ZNF503: variants seen among roughly 807,000 people sequenced by gnomAD.
ZNF503 encodes zinc finger protein 503.
ZNF503 carries 15 observed loss-of-function variants against 34.4 expected under a neutral mutation model. The ratio of observed to expected loss-of-function variants is 0.44; its 90% CI spans 0.29 to 0.67. ZNF503 has a LOEUF of 0.67. Among genes scored for constraint, ZNF503 ranks in the 30% least tolerant of loss-of-function variants. The pLI, the probability that ZNF503 is intolerant of heterozygous loss-of-function variation, is 0.13. For synonymous variants in ZNF503, 580 were observed against 456.8 expected (o/e 1.27, Z -3.44); for missense variants, 1,007 against 926.8 (o/e 1.09, Z -1.12).
At position 75,398,799 on chromosome 10, in the gene ZNF503, CGTAGGGGGA is replaced by C. The variant is rs761143408; in HGVS notation, c.1882_1890del (p.Ser628_Tyr630del). On this transcript the variant is annotated inframe_deletion, in exon 2 of 2. Coordinates refer to ENST00000372524, the MANE Select transcript of ZNF503 (RefSeq NM_032772.6). Reference sequence around the variant, plus strand: ...GTGGTCAGTCTCTGTCCGTAGAGGGCGTAGGGGGAGTAGTACGGTCCGGTGGCGGCGGGC... The same window carrying C: ...GTGGTCAGTCTCTGTCCGTAGAGGGCGTAGTACGGTCCGGTGGCGGCGGGC... 1.8e-5 allele frequency: 27 copies of C among 1,480,116 alleles called. No individual in the cohort carries two copies. The highest frequency in any genetic ancestry group is 2.4e-5 in the East Asian group (1 of 41,986). 91.7% of individuals were successfully genotyped at this position (1,480,116 alleles called of 1,614,324 possible).
At chr10:75,299,979 C>T in the ZNF503 span, among the ~76,000 whole-genome samples, 1 of 152,176 alleles carries the variant, frequency 6.6e-6, no homozygotes, top group Non-Finnish European at 1.5e-5. Context: ...TATCAAGAGA[C>T]AGGGTTTGAG....
chr10:75,330,859 T>A, the ZNF503 span, among the ~76,000 whole-genome samples: 1 of 152,188 alleles, frequency 6.6e-6, no homozygotes, highest in Non-Finnish European at 1.5e-5. Context: ...TGCTCTGACC[T>A]TTATTATTTC....
At chr10:75,388,219 AG>A in the ZNF503 span, among the ~76,000 whole-genome samples, 1 of 152,226 alleles carries the variant, frequency 6.6e-6, no homozygotes, top group African/African-American at 2.4e-5. Flanking sequence ...GGACTAGAAC[AG>A]GTGGGGCCAG....
Position 75,401,498 on chromosome 10 carries a change from C to A in ZNF503, c.-79G>T. 1 of 1,462,128 alleles carries A rather than the reference C, an allele frequency of 6.8e-7. No individual in the cohort carries two copies. Among genetic ancestry groups the A allele is most frequent in the Non-Finnish European group, 9.0e-7 (1 of 1,109,496 alleles). 90.6% of individuals were successfully genotyped at this position (1,462,128 alleles called of 1,614,324 possible). On this transcript the variant is annotated 5_prime_UTR_variant, in exon 1 of 2. Coordinates refer to ENST00000372524, the MANE Select transcript of ZNF503 (RefSeq NM_032772.6). ...GCGGGCTCGGGGCTGCGCGCTCGCC[C>A]CGGGAGCAGGAGCAGCGGGAGGAGG...
chr10:75,349,199 G>A, the ZNF503 span, among the ~76,000 whole-genome samples: 2 of 152,116 alleles, frequency 1.3e-5, no homozygotes, highest in African/African-American at 2.4e-5. Context: ...GTTCTTTATG[G>A]ATATATGTAT....
the ZNF503 span, among the ~76,000 whole-genome samples, chr10:75,315,171 G>A: frequency 2.6e-5 from 4 of 152,124 alleles, no homozygotes; most frequent in African/African-American, 9.7e-5. Flanking sequence ...ACCAGCCTGG[G>A]CAACATAGCA....
chr10:75,281,640 T>C, the ZNF503 span, among the ~76,000 whole-genome samples: 6 of 152,172 alleles, frequency 3.9e-5, no homozygotes, highest in Non-Finnish European at 8.8e-5. Flanking sequence ...ATGGATAAGA[T>C]GTCCAGGCTC....
the ZNF503 span, among the ~76,000 whole-genome samples, chr10:75,374,968 C>A: frequency 6.6e-6 from 1 of 152,196 alleles, no homozygotes; most frequent in Admixed American, 6.5e-5. Context: ...CAACCAGGAG[C>A]TTCTTGAGGG....
chr10:75,328,286 G>A, the ZNF503 span, among the ~76,000 whole-genome samples: 1 of 152,210 alleles, frequency 6.6e-6, no homozygotes, highest in East Asian at 1.9e-4. Context: ...AGAGATAAGT[G>A]TCTAGTTTCA....
At chr10:75,390,687 A>T in the ZNF503 span, among the ~76,000 whole-genome samples, 4 of 151,980 alleles carry the variant, frequency 2.6e-5, no homozygotes, top group African/African-American at 4.8e-5. Context: ...CTCTCTCTTG[A>T]CTCTGGTTCT....
chr10:75,326,373 T>G, the ZNF503 span, among the ~76,000 whole-genome samples: 1 of 151,892 alleles, frequency 6.6e-6, no homozygotes, highest in Non-Finnish European at 1.5e-5. Context: ...TGCCTGCAGA[T>G]CTTTCTTTCT....
At chr10:75,300,489 TG>T in the ZNF503 span, among the ~76,000 whole-genome samples, 2 of 152,138 alleles carry the variant, frequency 1.3e-5, no homozygotes, top group Non-Finnish European at 2.9e-5. Flanking sequence ...GGGTATTGAT[TG>T]GGGAAGTGGT....
At chr10:75,370,709 G>A in the ZNF503 span, among the ~76,000 whole-genome samples, 1 of 143,046 alleles carries the variant, frequency 7.0e-6, no homozygotes, top group East Asian at 2.1e-4. Context: ...AACCTGGGAG[G>A]CAGAGGTTGC....
the ZNF503 span, among the ~76,000 whole-genome samples, chr10:75,379,729 A>T: frequency 6.6e-6 from 1 of 152,262 alleles, no homozygotes; most frequent in Non-Finnish European, 1.5e-5. Flanking sequence ...GCTGTAACAA[A>T]TTACCTTATT....
At chr10:75,301,768 A>T in the ZNF503 span, among the ~76,000 whole-genome samples, 152 of 152,152 alleles carry the variant, frequency 1.0e-3, 2 homozygotes, top group Middle Eastern at 0.017. Flanking sequence ...GCTCCAATAC[A>T]TCTCCTTTTC....
chr10:75,373,812 C>T, the ZNF503 span, among the ~76,000 whole-genome samples: 2 of 152,194 alleles, frequency 1.3e-5, no homozygotes, highest in South Asian at 2.1e-4. Flanking sequence ...AGTAGAAATA[C>T]ACAAGTGTGA....
At chr10:75,329,434 CCTTTCTTTCTTT>C in the ZNF503 span, among the ~76,000 whole-genome samples, 1 of 87,380 alleles carries the variant, frequency 1.1e-5, no homozygotes, top group Non-Finnish European at 2.6e-5. Context: ...TTCCTTCCTT[CCTTTCTTTCTTT>C]CTTTCTTTCT....
the ZNF503 span, among the ~76,000 whole-genome samples, chr10:75,333,276 C>T: frequency 7.9e-4 from 57 of 72,172 alleles, no homozygotes; most frequent in South Asian, 0.015. Flanking sequence ...GCTGGCCGGG[C>T]GGGGGGCTGA....
chr10:75,314,236 C>CAAAAAAA, the ZNF503 span, among the ~76,000 whole-genome samples: 3 of 89,808 alleles, frequency 3.3e-5, no homozygotes, highest in Non-Finnish European at 6.7e-5. Context: ...GACTCCGTCT[C>CAAAAAAA]AAAAAAAAAA....
Sources: allele counts gnomAD v4.1 joint callset (sites outside exome capture counted in the v4.1 genomes callset), GRCh38; gene constraint gnomAD v4.1.1; transcripts MANE v1.5; gene names NCBI Gene and HGNC (gene_info 2026-07-23, HGNC 2026-07-21).